The following NELL1 variants were observed in gnomAD, a reference collection of about 807,000 sequenced individuals.
NELL1 encodes neural EGFL like 1, also known as protein kinase C-binding protein NELL1.
Under a neutral mutation model 107.4 loss-of-function variants are expected in NELL1, and 76 were observed. That is an observed-to-expected ratio of 0.71 (90% CI 0.59 to 0.86). NELL1 has a LOEUF of 0.86. Among genes scored for constraint, NELL1 ranks in the 40% least tolerant of loss-of-function variants. The pLI, the probability that NELL1 is intolerant of heterozygous loss-of-function variation, is 0.00. For missense variants in NELL1, 1,024 were observed against 1,005.5 expected (o/e 1.02, Z -0.25); for synonymous variants, 353 against 341.2 (o/e 1.03, Z -0.38).
intron 14 of NELL1, among the ~76,000 whole-genome samples, chr11:21,323,008 G>A (rs1850048146): frequency 6.6e-6 from 1 of 152,002 alleles, no homozygotes; most frequent in South Asian, 2.1e-4. Context: ...AATTCAGCCT[G>A]GAATAAAACT....
intron 13 of NELL1, among the ~76,000 whole-genome samples, chr11:21,123,404 T>C (rs907923005): frequency 7.1e-6 from 1 of 141,694 alleles, no homozygotes; most frequent in African/African-American, 2.6e-5. Context: ...ATTGTTAGAG[T>C]ATATTAACAG....
intron 14 of NELL1, among the ~76,000 whole-genome samples, chr11:21,298,668 G>A (rs927944390): frequency 1.3e-5 from 2 of 151,926 alleles, no homozygotes; most frequent in Non-Finnish European, 2.9e-5. Flanking sequence ...CAGGGTCTAT[G>A]GTAATTCCCA....
intron 14 of NELL1, among the ~76,000 whole-genome samples, chr11:21,368,174 A>G (rs564902161): frequency 1.3e-5 from 2 of 152,198 alleles, no homozygotes; most frequent in South Asian, 4.1e-4. Context: ...ATATTGTCTA[A>G]GGTTCAACTA....
At chr11:21,052,521 G>GTCAA (rs1187920906) in intron 12 of NELL1, among the ~76,000 whole-genome samples, 1 of 152,108 alleles carries the variant, frequency 6.6e-6, no homozygotes, top group Non-Finnish European at 1.5e-5. Context: ...AATGTAGTGA[G>GTCAA]TCAATCAATA....
At chr11:21,513,335 A>G (rs1374218463) in intron 15 of NELL1, among the ~76,000 whole-genome samples, 3 of 152,160 alleles carry the variant, frequency 2.0e-5, no homozygotes, top group Admixed American at 1.3e-4. Flanking sequence ...CAAAAATAAT[A>G]TGGATTTGCT....
intron 13 of NELL1, among the ~76,000 whole-genome samples, chr11:21,184,070 T>A (rs1436335787): frequency 6.6e-6 from 1 of 151,808 alleles, no homozygotes; most frequent in Non-Finnish European, 1.5e-5. Context: ...CAGGAACGTG[T>A]GACTGGGAAC....
intron 10 of NELL1, among the ~76,000 whole-genome samples, chr11:20,939,347 T>C (rs756733813): frequency 6.6e-6 from 1 of 151,550 alleles, no homozygotes; most frequent in Non-Finnish European, 1.5e-5. Flanking sequence ...CACAGAATCC[T>C]CAGAAGGCCA....
chr11:20,826,200 A>T (rs1249916516), intron 3 of NELL1, among the ~76,000 whole-genome samples: 1 of 151,230 alleles, frequency 6.6e-6, no homozygotes, highest in Non-Finnish European at 1.5e-5. Flanking sequence ...TATTAGCAGC[A>T]TGAGAATGGA....
chr11:21,184,074 TG>T (rs1045771896), intron 13 of NELL1, among the ~76,000 whole-genome samples: 1 of 151,804 alleles, frequency 6.6e-6, no homozygotes, highest in African/African-American at 2.4e-5. Flanking sequence ...AACGTGTGAC[TG>T]GGAACCCCAA....
chr11:21,050,100 C>T (rs572260766), intron 12 of NELL1, among the ~76,000 whole-genome samples: 10 of 152,056 alleles, frequency 6.6e-5, no homozygotes, highest in South Asian at 4.2e-4. Flanking sequence ...CTTTCAGAGG[C>T]GATGAATAAA....
At chr11:21,401,448 T>C (rs1425608569) in intron 15 of NELL1, among the ~76,000 whole-genome samples, 1 of 151,898 alleles carries the variant, frequency 6.6e-6, no homozygotes, top group East Asian at 1.9e-4. Context: ...ACGTGAGAAC[T>C]GTGAAGGGCA....
intron 2 of NELL1, among the ~76,000 whole-genome samples, chr11:20,731,421 C>T (rs1421356888): frequency 6.8e-6 from 1 of 147,512 alleles, no homozygotes; most frequent in Non-Finnish European, 1.5e-5. Flanking sequence ...CAATAAAGAA[C>T]TGGAGCTAGG....
At chr11:20,822,641 C>CA (rs1857783363) in intron 3 of NELL1, among the ~76,000 whole-genome samples, 1 of 152,096 alleles carries the variant, frequency 6.6e-6, no homozygotes, top group Non-Finnish European at 1.5e-5. Context: ...TCAGGGGTAG[C>CA]AAGGTAGTTC....
chr11:21,120,906 T>C (rs1361770211), intron 13 of NELL1, among the ~76,000 whole-genome samples: 1 of 152,216 alleles, frequency 6.6e-6, no homozygotes, highest in African/African-American at 2.4e-5. Flanking sequence ...AAATAGATAA[T>C]TGGCTCTGTA....
chr11:20,746,547 A>T (rs1284394093), intron 2 of NELL1, among the ~76,000 whole-genome samples: 1 of 147,838 alleles, frequency 6.8e-6, no homozygotes, highest in Non-Finnish European at 1.5e-5. Context: ...ATTATTTAAA[A>T]GTGGAATTGT....
At chr11:21,186,716 A>G (rs527680430) in intron 13 of NELL1, among the ~76,000 whole-genome samples, 2 of 152,012 alleles carry the variant, frequency 1.3e-5, no homozygotes, top group East Asian at 3.9e-4. Context: ...TCATTTTTAT[A>G]TCACTGGAAC....
chr11:20,893,345 G>A (rs1849657329), intron 5 of NELL1, among the ~76,000 whole-genome samples: 1 of 149,032 alleles, frequency 6.7e-6, no homozygotes, highest in South Asian at 2.2e-4. Context: ...TCACAAACCT[G>A]CACACTCTGC....
rs141045998 is a variant in NELL1 at position 21,514,777 on chromosome 11, C to G, written c.1646-19597C>G. 1.5e-4 allele frequency among the ~76,000 whole-genome samples: 23 copies of G among 148,562 alleles called. No individual in the cohort carries two copies. The South Asian group carries it at 4.8e-3, about 31-fold the overall frequency. On this transcript the variant is annotated intron_variant, in intron 15 of 19. Coordinates refer to ENST00000357134, the MANE Select transcript of NELL1 (RefSeq NM_006157.5). ...CTGTCACAGGGGTTTGGACAGTTTTCTTTGTGACAAGAAAGCCCTGCCTTA... is the reference window on the plus strand; with the variant it reads ...CTGTCACAGGGGTTTGGACAGTTTTGTTTGTGACAAGAAAGCCCTGCCTTA...
intron 14 of NELL1, among the ~76,000 whole-genome samples, chr11:21,232,155 A>ATATATATATAT (rs1554985087): frequency 1.4e-4 from 7 of 50,014 alleles, no homozygotes; most frequent in African/African-American, 6.1e-4. Context: ...AATAAAAAAA[A>ATATATATATAT]AAAAATATAT....
Sources: gnomAD v4.1 joint callset for allele counts (sites outside exome capture counted in the v4.1 genomes callset) on GRCh38, gnomAD v4.1.1 for gene constraint, MANE v1.5 for transcripts, NCBI Gene and HGNC (gene_info 2026-07-23, HGNC 2026-07-21) for gene names.